The following CLSTN1 variants were observed in gnomAD, a reference collection of about 807,000 sequenced individuals.
CLSTN1 encodes calsyntenin 1.
In CLSTN1, 28 loss-of-function variants were observed where a neutral mutation model predicts 108.3. The observed-to-expected ratio is 0.26, with a 90% CI of 0.19 to 0.35. The LOEUF is 0.35. CLSTN1 is among the 10% of genes least tolerant of loss of function. CLSTN1 has a pLI of 1.00. For synonymous variants in CLSTN1, 524 were observed against 534.9 expected (o/e 0.98, Z 0.28); for missense variants, 1,157 against 1,302.6 (o/e 0.89, Z 1.72).
intron 5 of CLSTN1, among the ~76,000 whole-genome samples, chr1:9,750,826 G>A (rs1651522536): frequency 1.3e-5 from 2 of 151,802 alleles, no homozygotes; most frequent in Non-Finnish European, 1.5e-5. Flanking sequence ...CAAGGTGGGC[G>A]GATCACCTGA....
intron 1 of CLSTN1, among the ~76,000 whole-genome samples, chr1:9,783,822 G>A (rs1653359351): frequency 6.6e-6 from 1 of 152,094 alleles, no homozygotes; most frequent in Non-Finnish European, 1.5e-5. Context: ...GTGAAACCCT[G>A]TCTCTACTAA....
chr1:9,735,347 A>G, intron 13 of CLSTN1, 120 bp downstream of exon 13: 3 of 1,458,998 alleles, frequency 2.1e-6, no homozygotes, highest in Non-Finnish European at 2.9e-6. Flanking sequence ...TCTGCCCCAC[A>G]CTTTCTGGTT....
intron 1 of CLSTN1, among the ~76,000 whole-genome samples, chr1:9,781,739 A>G (rs1034836475): frequency 1.3e-5 from 2 of 151,936 alleles, no homozygotes; most frequent in Non-Finnish European, 2.9e-5. Flanking sequence ...CACCGCGCCC[A>G]GCTTATTCAC....
At chr1:9,803,851 ACATCAG>A (rs1271999273) in intron 1 of CLSTN1, among the ~76,000 whole-genome samples, 1 of 152,148 alleles carries the variant, frequency 6.6e-6, no homozygotes, top group Non-Finnish European at 1.5e-5. Flanking sequence ...TTTTACAATG[ACATCAG>A]CCATTTAAAG....
At chr1:9,731,620 G>C (rs917767403) in intron 17 of CLSTN1, 141 bp downstream of exon 17, 55 of 972,136 alleles carry the variant, frequency 5.7e-5, no homozygotes, top group Admixed American at 1.7e-4. Context: ...GAGGGCTTTA[G>C]TTTCCTTGTG....
intron 2 of CLSTN1, among the ~76,000 whole-genome samples, chr1:9,768,444 G>T (rs1490154652): frequency 2.4e-4 from 22 of 93,450 alleles, no homozygotes; most frequent in South Asian, 3.8e-4. Flanking sequence ...GGCGGCACCA[G>T]GGGGGCGGGG....
chr1:9,736,522 G>A (rs1370432400), intron 11 of CLSTN1, among the ~76,000 whole-genome samples: 3 of 152,158 alleles, frequency 2.0e-5, no homozygotes, highest in African/African-American at 7.2e-5. Flanking sequence ...GCATGGAACG[G>A]CCTATTTCAA....
chr1:9,748,851 T>G (rs986694746), intron 7 of CLSTN1, among the ~76,000 whole-genome samples: 1 of 152,182 alleles, frequency 6.6e-6, no homozygotes, highest in African/African-American at 2.4e-5. Context: ...TGTACTCCTA[T>G]AGAAGCCCTT....
intron 10 of CLSTN1, among the ~76,000 whole-genome samples, chr1:9,739,424 A>G (rs567470635): frequency 2.0e-5 from 3 of 152,346 alleles, no homozygotes; most frequent in South Asian, 2.1e-4. Context: ...CAGGATGTTA[A>G]TAACTATATT....
chr1:9,821,670 C>T (rs763229914), intron 1 of CLSTN1, among the ~76,000 whole-genome samples: 1 of 152,102 alleles, frequency 6.6e-6, no homozygotes, highest in Non-Finnish European at 1.5e-5. Flanking sequence ...AAAACGAGCC[C>T]ACAGAGTGTC....
chr1:9,768,679 A>G (rs1347515660), intron 2 of CLSTN1, among the ~76,000 whole-genome samples: 6 of 29,182 alleles, frequency 2.1e-4, no homozygotes, highest in African/African-American at 2.9e-4. Context: ...GGGTTCTGTT[A>G]GGTGGCACCA....
chr1:9,761,081 C>T (rs1652049424), intron 2 of CLSTN1, among the ~76,000 whole-genome samples: 1 of 152,050 alleles, frequency 6.6e-6, no homozygotes, highest in Non-Finnish European at 1.5e-5. Flanking sequence ...AACCAGGTTT[C>T]CCAGACAACC....
chr1:9,814,317 T>C (rs1429505507), intron 1 of CLSTN1, among the ~76,000 whole-genome samples: 1 of 148,554 alleles, frequency 6.7e-6, no homozygotes, highest in Non-Finnish European at 1.5e-5. Context: ...GGGGCTGAAA[T>C]GGGCAGATCG....
intron 8 of CLSTN1, 123 bp from the exon 9 acceptor site, chr1:9,744,128 C>T (rs77043633): frequency 7.4e-7 from 1 of 1,356,244 alleles, no homozygotes; most frequent in African/African-American, 1.4e-5. Flanking sequence ...TCGGCTAAGC[C>T]AAGGCAGGGC....
intron 2 of CLSTN1, among the ~76,000 whole-genome samples, chr1:9,759,572 G>A (rs1274070936): frequency 1.3e-5 from 2 of 152,204 alleles, no homozygotes; most frequent in South Asian, 2.1e-4. Flanking sequence ...GTGAGCCACC[G>A]CGCCTGGCCT....
intron 1 of CLSTN1, among the ~76,000 whole-genome samples, chr1:9,793,885 A>C (rs1427933458): frequency 6.6e-6 from 1 of 151,496 alleles, no homozygotes; most frequent in Non-Finnish European, 1.5e-5. Context: ...CTTTCTGTCC[A>C]TGCTGCTACC....
At chr1:9,799,492 T>G (rs1256827126) in intron 1 of CLSTN1, among the ~76,000 whole-genome samples, 1 of 151,216 alleles carries the variant, frequency 6.6e-6, no homozygotes, top group Non-Finnish European at 1.5e-5. Context: ...ATACAAAAAA[T>G]TAGCTGGGCA....
Position 9,749,516 on chromosome 1 carries a change from T to C in CLSTN1, c.930A>G (p.Ile310Met). 1.2e-6 allele frequency: 2 copies of C among 1,614,218 alleles called. No homozygotes were observed. The highest frequency in any genetic ancestry group is 2.2e-5 in the South Asian group (2 of 91,082). ...AGGTGTCTCGGTCGCAGCCTTTCCC[T>C]ATGTGGCTGGTTTCTAGCTCCACTG... ...QATVELETSH[I>M]GKGCDRDTYS... The change falls in exon 7 of 19, where the codon ATA becomes ATG. Residue 310 changes from isoleucine (I) to methionine (M), a missense_variant. By Grantham distance (10) the Ile-to-Met change is conservative (BLOSUM62 1). Coordinates refer to ENST00000377298, the MANE Select transcript of CLSTN1 (RefSeq NM_001009566.3).
At chr1:9,748,639 C>A (rs1453518318) in intron 7 of CLSTN1, among the ~76,000 whole-genome samples, 1 of 152,138 alleles carries the variant, frequency 6.6e-6, no homozygotes, top group Non-Finnish European at 1.5e-5. Flanking sequence ...AGGCGTGCAC[C>A]GCCATGCCCG....
Sources: allele counts gnomAD v4.1 joint callset (sites outside exome capture counted in the v4.1 genomes callset), GRCh38; gene constraint gnomAD v4.1.1; transcripts MANE v1.5; gene names NCBI Gene and HGNC (gene_info 2026-07-23, HGNC 2026-07-21).